Variants in C3orf70 observed in about 807,000 individuals in gnomAD.
The protein encoded by C3orf70 is chromosome 3 open reading frame 70.
C3orf70 carries 15 observed loss-of-function variants against 20.7 expected under a neutral mutation model. The observed-to-expected ratio is 0.72, with a 90% CI of 0.48 to 1.11. The LOEUF is 1.11. C3orf70 is among the 50% of genes most tolerant of loss of function. The probability of loss-of-function intolerance (pLI) is 0.00; values close to 1 mark genes in which losing one functional copy is unlikely to be tolerated. For missense variants in C3orf70, 332 were observed against 317.6 expected, an observed-to-expected ratio of 1.05 and a Z score of -0.34; for synonymous variants, 161 against 125.7, an observed-to-expected ratio of 1.28 and a Z score of -1.88.
chr3:185,150,509 A>G (rs1443174747), intron 1 of C3orf70, among the ~76,000 whole-genome samples: 1 of 152,228 alleles, frequency 6.6e-6, no homozygotes, highest in Admixed American at 6.5e-5. Context: ...TATAAGTGTG[A>G]GATGGGCAAA....
At chr3:185,147,106 C>T (rs1716892755) in intron 1 of C3orf70, among the ~76,000 whole-genome samples, 1 of 152,238 alleles carries the variant, frequency 6.6e-6, no homozygotes, top group African/African-American at 2.4e-5. Context: ...TGCTGCCCAT[C>T]TACCTTTTGC....
At position 185,083,537 on chromosome 3, in the gene C3orf70, G is replaced by A. The variant is rs1307848205; in HGVS notation, c.223C>T (p.Pro75Ser). The A allele has an allele frequency of 1.2e-6, 2 of 1,608,874 alleles. No homozygotes were observed. Among genetic ancestry groups the A allele is most frequent in the African/African-American group, 2.7e-5 (2 of 74,848 alleles). Residue 75 changes from proline (P) to serine (S), a missense_variant, in exon 2 of 2, where the codon CCT (proline) becomes TCT (serine). By Grantham distance (74) the Pro-to-Ser change is moderately conservative. Coordinates refer to ENST00000335012, the MANE Select transcript of C3orf70 (RefSeq NM_001025266.3). ...TCAGTGCTTGGAAGCTGTTCCACAG[G>A]GGTCATAGGCTGATACATGTATTTG... ...HCKYMYQPMT[P>S]VEQLPSTEIP... is the part of the protein sequence containing the mutation.
At chr3:185,131,448 T>C (rs899233961) in intron 1 of C3orf70, among the ~76,000 whole-genome samples, 21 of 152,330 alleles carry the variant, frequency 1.4e-4, no homozygotes, top group Middle Eastern at 3.4e-3. Flanking sequence ...AATATATTTA[T>C]TGTCTCTTAT....
intron 1 of C3orf70, among the ~76,000 whole-genome samples, chr3:185,106,244 T>G (rs1294907959): frequency 2.6e-5 from 4 of 152,152 alleles, no homozygotes; most frequent in African/African-American, 4.8e-5. Flanking sequence ...AGGGAAATAT[T>G]ATAGCTACAT....
At chr3:185,146,597 T>C (rs1411972037) in intron 1 of C3orf70, among the ~76,000 whole-genome samples, 1 of 152,178 alleles carries the variant, frequency 6.6e-6, no homozygotes, top group Non-Finnish European at 1.5e-5. Context: ...AGAACCCTCA[T>C]TCTTAGAAAA....
rs933723883 is a variant in C3orf70, at chr3:185,082,899, C to T, written c.*108G>A. 55 of 1,087,178 alleles carry T rather than the reference C, an allele frequency of 5.1e-5. No homozygotes were observed. In the African/African-American group the frequency reaches 5.8e-4, roughly 12 times the overall value. 67.3% of individuals were successfully genotyped at this position (1,087,178 alleles called of 1,614,324 possible). A position where few individuals can be genotyped will look rare whatever the true frequency, so the allele number is the denominator to read the frequency against. On this transcript the variant is annotated 3_prime_UTR_variant, in exon 2 of 2. Coordinates refer to ENST00000335012, the MANE Select transcript of C3orf70 (RefSeq NM_001025266.3). ...GAACTGCTACGGTTGTTGGTTGGAGCGGGGCGGGGTGGGTAGAAAATATCA... is the reference window on the plus strand; with the variant it reads ...GAACTGCTACGGTTGTTGGTTGGAGTGGGGCGGGGTGGGTAGAAAATATCA...
At chr3:185,136,969 T>C (rs1207400609) in intron 1 of C3orf70, among the ~76,000 whole-genome samples, 1 of 151,866 alleles carries the variant, frequency 6.6e-6, no homozygotes, top group East Asian at 1.9e-4. Context: ...TATCTGTGGG[T>C]AAACTAACAG....
At chr3:185,091,886 TATACACAC>T (rs1435611330) in intron 1 of C3orf70, among the ~76,000 whole-genome samples, 2 of 125,386 alleles carry the variant, frequency 1.6e-5, no homozygotes, top group Admixed American at 9.2e-5. Context: ...ATATAATATA[TATACACAC>T]ATACACACAC....
chr3:185,152,268 C>G (rs1427249250), intron 1 of C3orf70, among the ~76,000 whole-genome samples: 1 of 152,226 alleles, frequency 6.6e-6, no homozygotes, highest in Non-Finnish European at 1.5e-5. Flanking sequence ...GCCAACTCAG[C>G]TGGCTCGCTC....
chr3:185,117,979 A>G (rs991198346), intron 1 of C3orf70, among the ~76,000 whole-genome samples: 1 of 152,144 alleles, frequency 6.6e-6, no homozygotes, highest in African/African-American at 2.4e-5. Context: ...ACTCTATTAC[A>G]CATTCTCACA....
intron 1 of C3orf70, among the ~76,000 whole-genome samples, chr3:185,147,557 T>C (rs1716901779): frequency 6.6e-6 from 1 of 152,134 alleles, no homozygotes; most frequent in Non-Finnish European, 1.5e-5. Context: ...GGGTGTAGAA[T>C]CGAACAGAGC....
intron 1 of C3orf70, among the ~76,000 whole-genome samples, chr3:185,144,338 T>A (rs1561369363): frequency 1.3e-5 from 2 of 152,206 alleles, no homozygotes. Context: ...ACACGAAGTC[T>A]GACTCCAGTG....
chr3:185,107,347 G>A (rs1056037969), intron 1 of C3orf70, among the ~76,000 whole-genome samples: 4 of 152,140 alleles, frequency 2.6e-5, no homozygotes, highest in Non-Finnish European at 5.9e-5. Context: ...TTACAACAAT[G>A]GGGAGCACAA....
chr3:185,137,150 T>C (rs13097835), intron 1 of C3orf70, among the ~76,000 whole-genome samples: 11,057 of 152,206 alleles, frequency 0.073, 460 homozygotes, highest in South Asian at 0.11. Flanking sequence ...TCACAACATC[T>C]GATGGTTATA....
chr3:185,110,639 G>A (rs1432217044), intron 1 of C3orf70, among the ~76,000 whole-genome samples: 3 of 152,088 alleles, frequency 2.0e-5, no homozygotes, highest in African/African-American at 7.3e-5. Context: ...TGGCCATAAC[G>A]CCCATGCTGG....
chr3:185,140,969 CAA>C (rs35570209), intron 1 of C3orf70, among the ~76,000 whole-genome samples: 26,316 of 136,558 alleles, frequency 0.19, 2,773 homozygotes, highest in East Asian at 0.43. Context: ...CCCTTGTCAC[CAA>C]AAAAAAAAAA....
rs183648103 is a variant in C3orf70, at chr3:185,123,610, G to A, written c.196+29018C>T. ...CCCCTTCAGCCTCCCAAGCAGCTGGGATTATAGGGACACACCATGGTCCCC... is the reference window on the plus strand; with the variant it reads ...CCCCTTCAGCCTCCCAAGCAGCTGGAATTATAGGGACACACCATGGTCCCC... On this transcript the variant is annotated intron_variant, in intron 1 of 1. Coordinates refer to ENST00000335012, the MANE Select transcript of C3orf70 (RefSeq NM_001025266.3). 2.6e-5 allele frequency among the ~76,000 whole-genome samples: 4 copies of A among 151,806 alleles called. No individual in the cohort carries two copies. The East Asian group carries it at 7.7e-4, about 29-fold the overall frequency.
chr3:185,104,454 C>T lies in C3orf70; in HGVS notation c.197-20891G>A, dbSNP rs146849438. Reference sequence around the variant, plus strand: ...ACCTAAAAACAGAACTGCCATTTGACCCAGCAATCCCATTACTAGGTAAAT... The same window carrying T: ...ACCTAAAAACAGAACTGCCATTTGATCCAGCAATCCCATTACTAGGTAAAT... On this transcript the variant is annotated intron_variant, in intron 1 of 1. Transcript: ENST00000335012. 1.2e-3 allele frequency among the ~76,000 whole-genome samples: 184 copies of T among 152,280 alleles called. 1 individual carries two copies. The highest frequency in any genetic ancestry group is 4.1e-3 in the African/African-American group (170 of 41,528).
rs191819001 is a variant in C3orf70, at chr3:185,102,156, A to G, written c.197-18593T>C. Among the ~76,000 whole-genome samples, 560 of 152,320 alleles carry G rather than the reference A, an allele frequency of 3.7e-3. 2 individuals carry two copies. The highest frequency in any genetic ancestry group is 0.014 in the Middle Eastern group (4 of 294). On this transcript the variant is annotated intron_variant, in intron 1 of 1. Transcript: ENST00000335012. ...CCCTGTTTGCAGACAACACGATCCTATATCTAGAAAACCCCACAGTCTCGG... is the reference window on the plus strand; with the variant it reads ...CCCTGTTTGCAGACAACACGATCCTGTATCTAGAAAACCCCACAGTCTCGG...
Sources: allele counts gnomAD v4.1 joint callset (sites outside exome capture counted in the v4.1 genomes callset), GRCh38; gene constraint gnomAD v4.1.1; transcripts MANE v1.5; gene names NCBI Gene and HGNC (gene_info 2026-07-23, HGNC 2026-07-21).